Variants in LAMA1 observed in about 807,000 individuals in gnomAD.
LAMA1 encodes the protein laminin subunit alpha-1.
Under a neutral mutation model 348.7 loss-of-function variants are expected in LAMA1, and 219 were observed. The observed-to-expected ratio is 0.63, with a 90% CI of 0.56 to 0.70. The LOEUF (loss-of-function observed/expected upper bound fraction) is 0.70. Among genes scored for constraint, LAMA1 ranks in the 30% least tolerant of loss-of-function variants. The probability of loss-of-function intolerance (pLI) is 0.00; values close to 1 mark genes in which losing one functional copy is unlikely to be tolerated. For missense variants in LAMA1, 3,744 were observed against 3,888.0 expected, an observed-to-expected ratio of 0.96 and a Z score of 0.99; for synonymous variants, 1,487 against 1,491.0, an observed-to-expected ratio of 1.00 and a Z score of 0.06.
chr18:7,101,981 A>C (rs985738342), intron 1 of LAMA1, among the ~76,000 whole-genome samples: 4 of 151,924 alleles, frequency 2.6e-5, no homozygotes, highest in Non-Finnish European at 5.9e-5. Context: ...TCTGGCCCCT[A>C]CAACAGTGAC....
At chr18:7,088,007 T>C (rs1268887502) in intron 1 of LAMA1, among the ~76,000 whole-genome samples, 1 of 152,222 alleles carries the variant, frequency 6.6e-6, no homozygotes, top group African/African-American at 2.4e-5. Context: ...ATAGCTCATA[T>C]ATTTGAATCT....
chr18:6,989,464 C>A (rs926455218), intron 36 of LAMA1, among the ~76,000 whole-genome samples: 1 of 152,040 alleles, frequency 6.6e-6, no homozygotes, highest in Admixed American at 6.5e-5. Flanking sequence ...GCATGAACCA[C>A]CAATGTTTTA....
At chr18:7,062,637 C>T (rs993697003) in intron 3 of LAMA1, among the ~76,000 whole-genome samples, 22 of 152,096 alleles carry the variant, frequency 1.4e-4, no homozygotes, top group African/African-American at 4.3e-4. Context: ...ACGGGTCTTA[C>T]AGGGTTTTCT....
chr18:7,077,382 T>C (rs1343172613), intron 3 of LAMA1, among the ~76,000 whole-genome samples: 1 of 151,922 alleles, frequency 6.6e-6, no homozygotes, highest in Non-Finnish European at 1.5e-5. Context: ...TTTTGTATCT[T>C]TTTTAGTAGA....
At chr18:6,968,222 G>A (rs1417079245) in intron 48 of LAMA1, among the ~76,000 whole-genome samples, 1 of 152,164 alleles carries the variant, frequency 6.6e-6, no homozygotes, top group African/African-American at 2.4e-5. Context: ...CTGGAATTAG[G>A]AGAGCGTCCG....
At chr18:7,032,793 C>T (rs544453444) in intron 15 of LAMA1, among the ~76,000 whole-genome samples, 191 bp downstream of exon 15, 3 of 152,316 alleles carry the variant, frequency 2.0e-5, no homozygotes, top group Admixed American at 6.5e-5. Flanking sequence ...TGCTCCAGCC[C>T]ATTCCTGGTG....
intron 1 of LAMA1, among the ~76,000 whole-genome samples, chr18:7,111,652 C>G (rs2058336489): frequency 6.6e-6 from 1 of 152,186 alleles, no homozygotes; most frequent in Admixed American, 6.6e-5. Flanking sequence ...GGTTTTTCCT[C>G]CTCGTTAATT....
rs1405443343 is a variant in LAMA1, at chr18:7,031,293, CAGGGCAT to C, written c.2274+766_2274+772del. 5.4e-4 allele frequency among the ~76,000 whole-genome samples: 82 copies of C among 152,254 alleles called. 1 individual carries two copies. Among genetic ancestry groups the C allele is most frequent in the Middle Eastern group, 3.4e-3 (1 of 294 alleles). On this transcript the variant is annotated intron_variant, in intron 16 of 62. Coordinates refer to ENST00000389658, the MANE Select transcript of LAMA1 (RefSeq NM_005559.4). Reference sequence around the variant, plus strand: ...GAGACCCCAGAGTGTGGCCTGGCTTCAGGGCATAGGGCCTAGAAGAATTCCTGATTGA... The same window carrying C: ...GAGACCCCAGAGTGTGGCCTGGCTTCAGGGCCTAGAAGAATTCCTGATTGA...
chr18:6,971,362 C>T (rs767134053), intron 48 of LAMA1, among the ~76,000 whole-genome samples: 3 of 152,082 alleles, frequency 2.0e-5, no homozygotes, highest in Admixed American at 1.3e-4. Context: ...TTGGAAAGTA[C>T]TTAGCTGTAA....
At chr18:7,002,220 GC>G in intron 30 of LAMA1, 43 bp downstream of exon 30, 1 of 1,604,932 alleles carries the variant, frequency 6.2e-7, no homozygotes, top group Non-Finnish European at 8.5e-7. Flanking sequence ...ACTGGAAGCA[GC>G]CCTGGGCAGC....
chr18:6,968,458 T>C (rs2057643699), intron 48 of LAMA1, among the ~76,000 whole-genome samples: 1 of 152,174 alleles, frequency 6.6e-6, no homozygotes, highest in Non-Finnish European at 1.5e-5. Context: ...TACAGGCATT[T>C]TCCCCTACGC....
At chr18:6,955,050 A>G in intron 57 of LAMA1, 1 of 417,152 alleles carries the variant, frequency 2.4e-6, no homozygotes, top group Non-Finnish European at 4.5e-6. Flanking sequence ...GAAAGTCCAG[A>G]CAATAATAGA....
chr18:7,082,366 T>C (rs1177967217), intron 1 of LAMA1, among the ~76,000 whole-genome samples: 1 of 152,220 alleles, frequency 6.6e-6, no homozygotes, highest in Non-Finnish European at 1.5e-5. Flanking sequence ...ACTTCGTTTG[T>C]TTTTAATATA....
At chr18:7,026,916 C>T (rs1341969714) in intron 16 of LAMA1, among the ~76,000 whole-genome samples, 1 of 151,648 alleles carries the variant, frequency 6.6e-6, no homozygotes, top group Non-Finnish European at 1.5e-5. Flanking sequence ...ATGGCGTGAA[C>T]CTGGGAGATG....
chr18:7,042,313 T>C, intron 8 of LAMA1, 63 bp from the exon 9 acceptor site: 3 of 970,696 alleles, frequency 3.1e-6, no homozygotes, highest in Non-Finnish European at 4.9e-6. Flanking sequence ...GGCAATAGTA[T>C]AAATAAGAAG....
chr18:6,954,826 TCAG>T (rs755552607), intron 57 of LAMA1: 21 of 205,432 alleles, frequency 1.0e-4, no homozygotes, highest in Non-Finnish European at 1.7e-4. Flanking sequence ...CTGGAGGACC[TCAG>T]GAGGAGAGAG....
intron 16 of LAMA1, among the ~76,000 whole-genome samples, chr18:7,027,653 C>T (rs560840606): frequency 1.6e-4 from 24 of 152,188 alleles, no homozygotes; most frequent in African/African-American, 5.3e-4. Flanking sequence ...TTTTAAAACA[C>T]TGTTATAGGC....
chr18:7,068,277 G>C (rs549632395), intron 3 of LAMA1, among the ~76,000 whole-genome samples: 1 of 152,342 alleles, frequency 6.6e-6, no homozygotes, highest in East Asian at 1.9e-4. Flanking sequence ...AGCCCCTTGA[G>C]AGCTGGGGCC....
chr18:7,057,783 A>ATTCT (rs199849402), intron 3 of LAMA1, among the ~76,000 whole-genome samples: 5 of 142,994 alleles, frequency 3.5e-5, no homozygotes, highest in East Asian at 2.2e-4. Flanking sequence ...CCAGCCCAAA[A>ATTCT]TTCTTTCTTT....
Sources: allele counts gnomAD v4.1 joint callset (sites outside exome capture counted in the v4.1 genomes callset), GRCh38; gene constraint gnomAD v4.1.1; transcripts MANE v1.5; gene names NCBI Gene and HGNC (gene_info 2026-07-23, HGNC 2026-07-21).